RPS3: variants seen among roughly 807,000 people sequenced by gnomAD.
RPS3 encodes the protein ribosomal protein S3.
A neutral mutation model predicts 25.8 loss-of-function variants in RPS3; 2 were observed. The observed-to-expected ratio is 0.08, with a 90% confidence interval of 0.03 to 0.24. The LOEUF (loss-of-function observed/expected upper bound fraction) is 0.24. Among genes scored for constraint, RPS3 ranks in the 10% least tolerant of loss-of-function variants. RPS3 has a pLI of 1.00. For synonymous variants in RPS3, 114 were observed against 114.2 expected (o/e 1.00, Z 0.01); for missense variants, 107 against 307.1 (o/e 0.35, Z 4.87).
At chr11:75,407,328 G>A (rs931860827), downstream of RPS3, among the ~76,000 whole-genome samples, 2 of 151,878 alleles carry the variant, frequency 1.3e-5, no homozygotes, top group Non-Finnish European at 2.9e-5. Flanking sequence ...AGTAGAGACC[G>A]GGTTTCCCCA....
chr11:75,405,482 A>C, intron 6 of RPS3, 132 bp from the exon 7 acceptor site: 1 of 339,848 alleles, frequency 2.9e-6, no homozygotes, highest in South Asian at 2.4e-5. Flanking sequence ...TATATGAAAA[A>C]GGACAAACCC....
intron 1 of RPS3, 196 bp from the exon 2 acceptor site, chr11:75,400,486 CCCTGGTTGAAGT>C: frequency 1.4e-6 from 1 of 703,810 alleles, no homozygotes; most frequent in Non-Finnish European, 2.5e-6. Flanking sequence ...GTTTAAAGAG[CCCTGGTTGAAGT>C]AATTTCCTAA....
chr11:75,414,333 C>T (rs894900227), intron 6 of RPS3, among the ~76,000 whole-genome samples: 6 of 152,182 alleles, frequency 3.9e-5, no homozygotes, highest in East Asian at 1.9e-4. Flanking sequence ...TACTGTCGGC[C>T]GGGTGCCGTG....
intron 6 of RPS3, among the ~76,000 whole-genome samples, chr11:75,414,242 T>C (rs1948379349): frequency 6.6e-6 from 1 of 152,208 alleles, no homozygotes; most frequent in Admixed American, 6.5e-5. Context: ...GAAATTGTCC[T>C]TGGAACCCAC....
At chr11:75,402,642 G>A in intron 4 of RPS3, 196 bp downstream of exon 4, 1 of 507,428 alleles carries the variant, frequency 2.0e-6, no homozygotes, top group Non-Finnish European at 3.5e-6. Flanking sequence ...GAACTGTAAA[G>A]GGTGGTCAGT....
chr11:75,421,697 G>T (rs1179449255), intron 6 of RPS3: 1 of 152,218 alleles, frequency 6.6e-6, no homozygotes, highest in African/African-American at 2.4e-5. Context: ...AGTTGTTCAG[G>T]GATCCATAAC....
chr11:75,408,681 G>A (rs962713275), downstream of RPS3, among the ~76,000 whole-genome samples: 1 of 152,120 alleles, frequency 6.6e-6, no homozygotes, highest in East Asian at 1.9e-4. Flanking sequence ...GAGTAGCTGC[G>A]ATTACAGAAG....
downstream of RPS3, among the ~76,000 whole-genome samples, chr11:75,410,804 C>T: frequency 6.6e-6 from 1 of 152,186 alleles, no homozygotes. Context: ...GCCAACACAG[C>T]AAAACCCCGT....
At chr11:75,405,576 G>A (rs1367861723) in intron 6 of RPS3, 38 bp from the exon 7 acceptor site, 1 of 454,332 alleles carries the variant, frequency 2.2e-6, no homozygotes, top group Non-Finnish European at 4.4e-6. Flanking sequence ...TAATAACTCT[G>A]GTAAAGTTTC....
intron 4 of RPS3, 52 bp downstream of exon 4, chr11:75,402,498 A>G (rs1320493493): frequency 6.5e-7 from 1 of 1,548,922 alleles, no homozygotes; most frequent in Non-Finnish European, 8.8e-7. Context: ...ATCAACATAC[A>G]TGTCTGCCAT....
At position 75,404,832 on chromosome 11, in the gene RPS3, G is replaced by T. The variant is rs139803355; in HGVS notation, c.699G>T (p.Pro233=). Residue 233 remains proline (P), a synonymous_variant, in exon 6 of 7, where the codon CCG becomes CCT. Coordinates refer to ENST00000531188, the MANE Select transcript of RPS3 (RefSeq NM_001005.5). This position sits in a 1 kb window ranked among gnomAD's most constrained non-coding sequence, Gnocchi z 4.6. The stretch of plus-strand genomic sequence containing the variant: ...AACAGAAGGGTGGGAAGCCAGAGCC[G>T]CCTGCCATGCCCCAGCCAGTCCCCA... ...ISEQKGGKPE[P]PAMPQPVPTA 3.1e-6 allele frequency: 5 copies of T among 1,606,830 alleles called. No homozygotes were observed. Among genetic ancestry groups the T allele is most frequent in the East Asian group, 2.2e-5 (1 of 44,512 alleles).
At chr11:75,413,748 A>C (rs1039027532) in intron 6 of RPS3, among the ~76,000 whole-genome samples, 1 of 152,242 alleles carries the variant, frequency 6.6e-6, no homozygotes, top group Non-Finnish European at 1.5e-5. Flanking sequence ...ATTTTAGGGA[A>C]GACTCCCACA....
Position 75,401,797 on chromosome 11 carries a change from A to C in RPS3, c.255+64A>C. 5.5e-6 allele frequency: 5 copies of C among 913,208 alleles called. No individual in the cohort carries two copies. The South Asian group carries it at 6.7e-5, about 12-fold the overall frequency. 56.6% of individuals were successfully genotyped at this position (913,208 alleles called of 1,614,324 possible). A position where few individuals can be genotyped will look rare whatever the true frequency, so the allele number is the denominator to read the frequency against. On this transcript the variant is annotated intron_variant, in intron 3 of 6. Transcript: ENST00000531188. Reference sequence around the variant, plus strand: ...CAGAATGATACTTCTAAAAACTCTCAACTTGGAGACTTTAATTGTTTGTTC... The same window carrying C: ...CAGAATGATACTTCTAAAAACTCTCCACTTGGAGACTTTAATTGTTTGTTC...
intron 6 of RPS3, among the ~76,000 whole-genome samples, chr11:75,420,537 TCC>T (rs1948434235): frequency 6.6e-6 from 1 of 152,160 alleles, no homozygotes; most frequent in South Asian, 2.1e-4. Flanking sequence ...TGCTGCCACT[TCC>T]CAGCCCAATG....
At chr11:75,409,823 C>CG (rs1284658644), downstream of RPS3, among the ~76,000 whole-genome samples, 1 of 146,828 alleles carries the variant, frequency 6.8e-6, no homozygotes, top group African/African-American at 2.5e-5. Context: ...GGCTGACCCC[C>CG]CCACCTCCCT....
chr11:75,410,156 G>A (rs999980654), downstream of RPS3, among the ~76,000 whole-genome samples: 14 of 150,330 alleles, frequency 9.3e-5, no homozygotes, highest in Non-Finnish European at 1.5e-4. Flanking sequence ...GCGGCTGGCC[G>A]GGCGGGGGGC....
chr11:75,418,275 C>T (rs1271038249), intron 6 of RPS3, among the ~76,000 whole-genome samples: 1 of 152,236 alleles, frequency 6.6e-6, no homozygotes, highest in Non-Finnish European at 1.5e-5. Flanking sequence ...TTTCAGTGTC[C>T]TAATTCTTAC....
chr11:75,403,932 A>G, intron 4 of RPS3, 88 bp from the exon 5 acceptor site: 1 of 1,272,028 alleles, frequency 7.9e-7, no homozygotes, highest in South Asian at 1.4e-5. Context: ...CATTAAAGGA[A>G]CATTGAAAAC....
At chr11:75,401,981 C>A in intron 3 of RPS3, 3 of 554,928 alleles carry the variant, frequency 5.4e-6, no homozygotes, top group Non-Finnish European at 9.6e-6. Flanking sequence ...CATTGGTGTA[C>A]TTGGCATGGC....
Sources: allele counts gnomAD v4.1 joint callset (sites outside exome capture counted in the v4.1 genomes callset), GRCh38; gene constraint gnomAD v4.1.1; non-coding constraint Gnocchi (gnomAD v3.1); transcripts MANE v1.5; gene names NCBI Gene and HGNC (gene_info 2026-07-23, HGNC 2026-07-21).